Variants in FGD4 observed in about 807,000 individuals in gnomAD.
The protein encoded by FGD4 is FYVE, RhoGEF and PH domain containing 4.
In FGD4, 42 loss-of-function variants were observed where a neutral mutation model predicts 102.0. The ratio of observed to expected loss-of-function variants is 0.41; its 90% confidence interval spans 0.32 to 0.53. FGD4 has a LOEUF of 0.53. Among genes scored for constraint, FGD4 ranks in the 20% least tolerant of loss-of-function variants. FGD4 has a pLI of 0.21. For synonymous variants in FGD4, 380 were observed against 375.7 expected, an observed-to-expected ratio of 1.01 and a Z score of -0.13; for missense variants, 902 against 1,078.2, an observed-to-expected ratio of 0.84 and a Z score of 2.29.
intron 1 of FGD4, among the ~76,000 whole-genome samples, chr12:32,453,200 T>TTTTATATA (rs1470836726): frequency 4.6e-5 from 3 of 64,590 alleles, no homozygotes; most frequent in African/African-American, 1.5e-4. Flanking sequence ...TATATATATA[T>TTTTATATA]TATATATATA....
At chr12:32,504,351 C>T in intron 1 of FGD4, among the ~76,000 whole-genome samples, 1 of 152,128 alleles carries the variant, frequency 6.6e-6, no homozygotes, top group South Asian at 2.1e-4. Flanking sequence ...AGTGCATGGT[C>T]ATAAGACTGT....
rs766779020 is a variant in FGD4 at position 32,625,837 on chromosome 12, CATCAACTAGGGACACACAAAAAA to C, written c.2172+61_2172+83del. On this transcript the variant is annotated intron_variant, in intron 14 of 16. Coordinates refer to ENST00000534526, the MANE Select transcript of FGD4 (RefSeq NM_001370298.3). ...AGTAACTATATAAGTGATGTAAAGT[CATCAACTAGGGACACACAAAAAA>C]ATGACTTTCAACAAATCACTTAATA... 8.8e-5 allele frequency: 141 copies of C among 1,604,802 alleles called. No homozygotes were observed. The South Asian group carries it at 1.2e-3, about 14-fold the overall frequency.
At chr12:32,403,798 T>C (rs1466815726) in intron 1 of FGD4, among the ~76,000 whole-genome samples, 1 of 152,042 alleles carries the variant, frequency 6.6e-6, no homozygotes, top group Non-Finnish European at 1.5e-5. Flanking sequence ...GGTTTCACCT[T>C]GTTGGCTAGG....
chr12:32,453,906 A>G (rs1942879505), intron 1 of FGD4, among the ~76,000 whole-genome samples: 1 of 152,076 alleles, frequency 6.6e-6, no homozygotes. Context: ...ATTTGCATCT[A>G]AAAATATTTT....
At chr12:32,421,604 C>G (rs1173673900) in intron 1 of FGD4, among the ~76,000 whole-genome samples, 3 of 152,120 alleles carry the variant, frequency 2.0e-5, no homozygotes, top group African/African-American at 7.2e-5. Context: ...CTTTCACAGC[C>G]ATTTTCTTCC....
chr12:32,578,927 T>C (rs1050118438), intron 3 of FGD4, among the ~76,000 whole-genome samples: 3 of 151,976 alleles, frequency 2.0e-5, no homozygotes, highest in Admixed American at 1.3e-4. Context: ...TTCTTTCTCC[T>C]ATTCCTCCTT....
intron 1 of FGD4, among the ~76,000 whole-genome samples, chr12:32,452,707 G>A (rs987433412): frequency 2.6e-5 from 4 of 152,122 alleles, no homozygotes; most frequent in Non-Finnish European, 5.9e-5. Flanking sequence ...AGAATAAGTG[G>A]GGCGCAGTGG....
intron 1 of FGD4, among the ~76,000 whole-genome samples, chr12:32,475,888 A>G (rs2136532575): frequency 6.6e-6 from 1 of 152,254 alleles, no homozygotes. Flanking sequence ...TTATTTTTTA[A>G]CCCATGAAGT....
intron 1 of FGD4, among the ~76,000 whole-genome samples, chr12:32,485,343 C>T (rs944176551): frequency 6.6e-6 from 1 of 151,646 alleles, no homozygotes. Context: ...ATATGGAGAG[C>T]TTATACACAG....
intron 1 of FGD4, among the ~76,000 whole-genome samples, chr12:32,557,770 T>C (rs971985308): frequency 6.6e-6 from 1 of 152,240 alleles, no homozygotes; most frequent in Non-Finnish European, 1.5e-5. Context: ...TTGTAAACTA[T>C]GAGTTTTATA....
chr12:32,633,525 G>T, intron 14 of FGD4, 24 bp from the exon 15 acceptor site: 2 of 1,604,174 alleles, frequency 1.2e-6, no homozygotes, highest in Non-Finnish European at 8.5e-7. Context: ...TATGATTACT[G>T]TTCATTTTTC....
intron 4 of FGD4, among the ~76,000 whole-genome samples, chr12:32,594,691 G>A (rs907466067): frequency 1.3e-5 from 2 of 151,988 alleles, no homozygotes; most frequent in African/African-American, 4.8e-5. Flanking sequence ...CACCAAAAAG[G>A]GTAAATTTTA....
intron 14 of FGD4, among the ~76,000 whole-genome samples, chr12:32,628,628 G>A (rs1049733622): frequency 3.9e-5 from 6 of 152,024 alleles, no homozygotes; most frequent in Non-Finnish European, 7.4e-5. Context: ...GAGAAATCCC[G>A]TCTCTACTAA....
intron 1 of FGD4, among the ~76,000 whole-genome samples, chr12:32,557,423 T>G (rs1365313620): frequency 6.6e-6 from 1 of 152,224 alleles, no homozygotes; most frequent in Non-Finnish European, 1.5e-5. Context: ...AACTGAGATA[T>G]TATACATATT....
chr12:32,413,055 TGACAGAGTAA>T (rs1941270450), intron 1 of FGD4, among the ~76,000 whole-genome samples: 1 of 151,362 alleles, frequency 6.6e-6, no homozygotes, highest in Admixed American at 6.6e-5. Flanking sequence ...CCAGCCTGGG[TGACAGAGTAA>T]GACTCTGTCT....
chr12:32,456,483 G>A (rs1244250846), intron 1 of FGD4, among the ~76,000 whole-genome samples: 2 of 152,128 alleles, frequency 1.3e-5, no homozygotes, highest in Non-Finnish European at 2.9e-5. Flanking sequence ...TTGGTTGTTG[G>A]AATTGCCAGC....
At chr12:32,560,003 G>C (rs1944409429) in intron 1 of FGD4, among the ~76,000 whole-genome samples, 1 of 152,178 alleles carries the variant, frequency 6.6e-6, no homozygotes, top group African/African-American at 2.4e-5. Flanking sequence ...GCTCTGCACT[G>C]TTGGGGCCTG....
Position 32,640,622 on chromosome 12 carries a change from A to G in FGD4, c.*89A>G. ...CTTCTTACACATCTGCTAGCACTTT[A>G]TGTTGAAAAATATAGGCCCATAAAT... is the stretch of plus-strand genomic sequence containing the variant. On this transcript the variant is annotated 3_prime_UTR_variant, in exon 17 of 17. Transcript: ENST00000534526. 12 of 1,576,838 alleles carry G rather than the reference A, an allele frequency of 7.6e-6. No homozygotes were observed. The South Asian group carries it at 1.2e-4, about 16-fold the overall frequency.
At chr12:32,620,692 A>AATTTTT (rs1949780228) in intron 11 of FGD4, among the ~76,000 whole-genome samples, 1 of 109,024 alleles carries the variant, frequency 9.2e-6, no homozygotes, top group African/African-American at 4.1e-5. Flanking sequence ...ACACCTGGCT[A>AATTTTT]ATTTTTTTTT....
Sources: allele counts gnomAD v4.1 joint callset (sites outside exome capture counted in the v4.1 genomes callset), GRCh38; gene constraint gnomAD v4.1.1; transcripts MANE v1.5; gene names NCBI Gene and HGNC (gene_info 2026-07-23, HGNC 2026-07-21).